MSH3: variants seen among roughly 807,000 people sequenced by gnomAD.
MSH3 encodes the protein DNA mismatch repair protein Msh3.
MSH3 carries 106 observed loss-of-function variants against 123.3 expected under a neutral mutation model. The ratio of observed to expected loss-of-function variants is 0.86; its 90% CI spans 0.73 to 1.01. The LOEUF (loss-of-function observed/expected upper bound fraction) is 1.01. MSH3 is among the 50% of genes least tolerant of loss of function. The pLI is 0.00. For synonymous variants in MSH3, 515 were observed against 481.4 expected (o/e 1.07, Z -0.91); for missense variants, 1,459 against 1,347.6 (o/e 1.08, Z -1.29).
intron 3 of MSH3, among the ~76,000 whole-genome samples, chr5:80,669,105 C>G (rs1749638324): frequency 1.3e-5 from 2 of 152,216 alleles, no homozygotes. Flanking sequence ...CTGGACTGCA[C>G]TGTTCAAATA....
At chr5:80,693,904 C>T (rs1428163044) in intron 8 of MSH3, among the ~76,000 whole-genome samples, 4 of 152,158 alleles carry the variant, frequency 2.6e-5, no homozygotes, top group Non-Finnish European at 5.9e-5. Context: ...AAATGATCCT[C>T]CTGCCTTGGC....
chr5:80,780,837 C>T (rs1744398097), intron 17 of MSH3, among the ~76,000 whole-genome samples: 1 of 152,160 alleles, frequency 6.6e-6, no homozygotes, highest in African/African-American at 2.4e-5. Flanking sequence ...CTCTGCACTC[C>T]AGCCTGGGCA....
At chr5:80,819,338 GTGTGTGTATATATATGTATATATA>G (rs1422319311) in intron 20 of MSH3, among the ~76,000 whole-genome samples, 1,923 of 149,452 alleles carry the variant, frequency 0.013, 36 homozygotes, top group African/African-American at 0.046. Flanking sequence ...ATATATGTGT[GTGTGTGTATATATATGTATATATA>G]TGTGTGTATA....
At chr5:80,871,073 A>T (rs1746204883) in intron 22 of MSH3, among the ~76,000 whole-genome samples, 1 of 152,172 alleles carries the variant, frequency 6.6e-6, no homozygotes, top group African/African-American at 2.4e-5. Context: ...GTTCATGTGT[A>T]TGTATATATA....
At chr5:80,753,878 T>G (rs1374112478) in intron 12 of MSH3, among the ~76,000 whole-genome samples, 1 of 152,200 alleles carries the variant, frequency 6.6e-6, no homozygotes, top group Non-Finnish European at 1.5e-5. Flanking sequence ...ATGGCTTTTA[T>G]GTGAGGCAGG....
intron 8 of MSH3, among the ~76,000 whole-genome samples, chr5:80,695,622 CTG>C (rs1750461878): frequency 6.6e-6 from 1 of 152,222 alleles, no homozygotes; most frequent in Non-Finnish European, 1.5e-5. Context: ...GTGTGAGCCA[CTG>C]TGTCCGGCCC....
chr5:80,761,445 C>G, intron 12 of MSH3, 101 bp from the exon 13 acceptor site: 2 of 1,421,684 alleles, frequency 1.4e-6, no homozygotes, highest in Non-Finnish European at 2.0e-6. Flanking sequence ...TCCTTTGTGC[C>G]TAATAAGTGG....
chr5:80,686,744 T>TG (rs1392814721), intron 8 of MSH3, among the ~76,000 whole-genome samples: 14 of 152,206 alleles, frequency 9.2e-5, no homozygotes, highest in African/African-American at 3.4e-4. Context: ...TGGTAAGTAG[T>TG]TTCTTGTATC....
At chr5:80,700,605 G>T (rs913844437) in intron 8 of MSH3, among the ~76,000 whole-genome samples, 2 of 151,776 alleles carry the variant, frequency 1.3e-5, no homozygotes. Flanking sequence ...TATCTAGCTA[G>T]CAATTTTAAT....
At chr5:80,710,419 G>C (rs1213053976) in intron 8 of MSH3, among the ~76,000 whole-genome samples, 4 of 152,038 alleles carry the variant, frequency 2.6e-5, no homozygotes, top group African/African-American at 4.8e-5. Context: ...AAATTATTTT[G>C]GTTAATATTT....
intron 20 of MSH3, among the ~76,000 whole-genome samples, chr5:80,839,057 A>G (rs1745568450): frequency 6.6e-6 from 1 of 152,188 alleles, no homozygotes; most frequent in African/African-American, 2.4e-5. Context: ...ACGTGATCTG[A>G]TGTTTTAACT....
At chr5:80,847,548 T>A (rs903269190) in intron 20 of MSH3, among the ~76,000 whole-genome samples, 1 of 152,208 alleles carries the variant, frequency 6.6e-6, no homozygotes, top group Non-Finnish European at 1.5e-5. Context: ...TTACATTCAA[T>A]GTAGATAAAG....
chr5:80,802,824 GT>G (rs1343983231), intron 19 of MSH3, among the ~76,000 whole-genome samples: 2 of 152,160 alleles, frequency 1.3e-5, no homozygotes, highest in Non-Finnish European at 2.9e-5. Flanking sequence ...AACATGCAAA[GT>G]TTATCACTTT....
Position 80,714,575 on chromosome 5 carries a change from A to G in MSH3, c.1341-10878A>G, listed in dbSNP as rs1410336593. 2.0e-5 allele frequency among the ~76,000 whole-genome samples: 3 copies of G among 152,246 alleles called. No homozygotes were observed. In the South Asian group the frequency reaches 6.2e-4, roughly 32 times the overall value. ...AATATTTATGTGAAGATGGTTTAAT[A>G]TACAGATTGCAGAACGATGAATTTA... On this transcript the variant is annotated intron_variant, in intron 8 of 23. Coordinates refer to ENST00000265081, the MANE Select transcript of MSH3 (RefSeq NM_002439.5).
chr5:80,842,092 A>G (rs1745636734), intron 20 of MSH3, among the ~76,000 whole-genome samples: 1 of 152,206 alleles, frequency 6.6e-6, no homozygotes, highest in Non-Finnish European at 1.5e-5. Flanking sequence ...ATAAGGTGTA[A>G]GGAAGGGATC....
chr5:80,692,644 T>A (rs1561445239), intron 8 of MSH3, among the ~76,000 whole-genome samples: 3 of 114,362 alleles, frequency 2.6e-5, no homozygotes, highest in South Asian at 5.2e-4. Flanking sequence ...TTATATATGT[T>A]TATATAGATA....
At chr5:80,753,964 G>A (rs905450907) in intron 12 of MSH3, among the ~76,000 whole-genome samples, 4 of 152,228 alleles carry the variant, frequency 2.6e-5, no homozygotes, top group South Asian at 4.1e-4. Flanking sequence ...AGCTTACTGC[G>A]GGGGCTAGCA....
In MSH3 at chr5:80,666,858, G is replaced by A. The variant is rs536565277; in HGVS notation, c.579+1495G>A. 1.2e-4 allele frequency among the ~76,000 whole-genome samples: 18 copies of A among 152,308 alleles called. No homozygotes were observed. The East Asian group carries it at 3.3e-3, about 28-fold the overall frequency. On this transcript the variant is annotated intron_variant, in intron 3 of 23. Coordinates refer to ENST00000265081, the MANE Select transcript of MSH3 (RefSeq NM_002439.5). ...AATGCCATAACTCTCAATAGGTTTC[G>A]AAATATATTCTGATCACTCTGAATT... is the stretch of plus-strand genomic sequence containing the variant.
chr5:80,698,619 C>A (rs1447467923), intron 8 of MSH3, among the ~76,000 whole-genome samples: 3 of 132,554 alleles, frequency 2.3e-5, no homozygotes, highest in African/African-American at 9.0e-5. Context: ...CATGAGCAGG[C>A]AACCTGAGGC....
Sources: allele counts gnomAD v4.1 joint callset (sites outside exome capture counted in the v4.1 genomes callset), GRCh38; gene constraint gnomAD v4.1.1; transcripts MANE v1.5; gene names NCBI Gene and HGNC (gene_info 2026-07-23, HGNC 2026-07-21).